SFMBT2: variants seen among roughly 807,000 people sequenced by gnomAD.
SFMBT2 encodes the protein scm-like with four MBT domains protein 2.
SFMBT2 carries 38 observed loss-of-function variants against 110.1 expected under a neutral mutation model. The observed-to-expected ratio is 0.35, with a 90% confidence interval of 0.27 to 0.45. The LOEUF (loss-of-function observed/expected upper bound fraction) is 0.45. SFMBT2 is among the 20% of genes least tolerant of loss of function. The pLI is 1.00. For synonymous variants in SFMBT2, 425 were observed against 425.4 expected (o/e 1.00, Z 0.01); for missense variants, 1,011 against 1,094.9 (o/e 0.92, Z 1.08).
chr10:7,342,396 CTTTTTTTTT>C (rs71382101), intron 4 of SFMBT2, among the ~76,000 whole-genome samples: 13 of 69,664 alleles, frequency 1.9e-4, no homozygotes, highest in South Asian at 5.1e-4. Flanking sequence ...TGGAGTGAGT[CTTTTTTTTT>C]TTTTTTTTTT....
chr10:7,239,301 T>C (rs140409627), intron 9 of SFMBT2, among the ~76,000 whole-genome samples: 6 of 152,324 alleles, frequency 3.9e-5, no homozygotes, highest in East Asian at 1.9e-4. Context: ...CTGAAATCAC[T>C]TGGCAATATG....
At position 7,172,207 on chromosome 10, in the gene SFMBT2, T is replaced by G. The variant is rs1243933797; in HGVS notation, c.2152-49A>C. ...AAGGGGCTGGTGGCCCGGGGGCCTG[T>G]AGCGGTGGCCCCGCGGTCAGACCCT... On this transcript the variant is annotated intron_variant, in intron 18 of 20. Transcript: ENST00000397167. The surrounding 1 kb of genome is among the most constrained non-coding windows in gnomAD (Gnocchi z 4.6). 1 of 1,512,782 alleles carries G rather than the reference T, an allele frequency of 6.6e-7. No homozygotes were observed. The highest frequency in any genetic ancestry group is 2.3e-5 in the East Asian group (1 of 43,600). The allele number at this position is 1,512,782 out of a possible 1,614,324, so 93.7% of individuals were successfully genotyped here. A position where few individuals can be genotyped will look rare whatever the true frequency, so the allele number is the denominator to read the frequency against.
At chr10:7,392,559 A>T (rs1845798255) in intron 1 of SFMBT2, among the ~76,000 whole-genome samples, 2 of 152,090 alleles carry the variant, frequency 1.3e-5, no homozygotes, top group Admixed American at 1.3e-4. Flanking sequence ...TTTGTAATTC[A>T]CCTGTTGATG....
At position 7,298,675 on chromosome 10, in the gene SFMBT2, A is replaced by G. The variant is rs117551697; in HGVS notation, c.437-12721T>C. On this transcript the variant is annotated intron_variant, in intron 4 of 20. Coordinates refer to ENST00000397167, the MANE Select transcript of SFMBT2 (RefSeq NM_001387889.1). ...TGTGTGTATGTATGTGCGTATGTGC[A>G]TGTGTATACGTGTACTTGCATATGT... Among the ~76,000 whole-genome samples the G allele has an allele frequency of 8.7e-3, 1,331 of 152,218 alleles. 10 individuals are homozygous for G. Among genetic ancestry groups the G allele is most frequent in the Non-Finnish European group, 0.015 (990 of 68,016 alleles).
chr10:7,269,620 T>A (rs1165908595), intron 7 of SFMBT2, among the ~76,000 whole-genome samples: 1 of 151,902 alleles, frequency 6.6e-6, no homozygotes, highest in African/African-American at 2.4e-5. Context: ...ACATATTCCT[T>A]TTACCGTAAT....
At chr10:7,387,041 G>A (rs1256476354) in intron 1 of SFMBT2, among the ~76,000 whole-genome samples, 1 of 152,102 alleles carries the variant, frequency 6.6e-6, no homozygotes, top group African/African-American at 2.4e-5. Flanking sequence ...ATGCAGCTAT[G>A]ACTTTTATAT....
At chr10:7,343,995 A>G (rs563223078) in intron 4 of SFMBT2, among the ~76,000 whole-genome samples, 174 of 152,326 alleles carry the variant, frequency 1.1e-3, no homozygotes, top group African/African-American at 3.8e-3. Context: ...CCCAAAGATC[A>G]TAGGCCAATT....
At chr10:7,317,170 A>T (rs1364617619) in intron 4 of SFMBT2, among the ~76,000 whole-genome samples, 1 of 151,840 alleles carries the variant, frequency 6.6e-6, no homozygotes, top group Non-Finnish European at 1.5e-5. Context: ...GTGTGAGCCT[A>T]CTCAGAGGAC....
intron 4 of SFMBT2, among the ~76,000 whole-genome samples, chr10:7,328,963 G>A (rs1257691887): frequency 1.3e-5 from 2 of 152,156 alleles, no homozygotes; most frequent in East Asian, 1.9e-4. Context: ...CAGCCCATGC[G>A]GCTTGGAAAA....
rs562996200 is a variant in SFMBT2 at position 7,407,168 on chromosome 10, C to G, written c.-52+3693G>C. 1.7e-4 allele frequency among the ~76,000 whole-genome samples: 26 copies of G among 152,198 alleles called. No homozygotes were observed. In the South Asian group the frequency reaches 5.4e-3, roughly 32 times the overall value. On this transcript the variant is annotated intron_variant, in intron 1 of 20. Coordinates refer to ENST00000397167, the MANE Select transcript of SFMBT2 (RefSeq NM_001387889.1). ...AGCAGGAGACCTCCTATCTCCAGGGCGGGCCTAGGGAACAATTCCTGCTGA... is the reference window on the plus strand; with the variant it reads ...AGCAGGAGACCTCCTATCTCCAGGGGGGGCCTAGGGAACAATTCCTGCTGA...
chr10:7,298,974 G>A (rs1842486449), intron 4 of SFMBT2, among the ~76,000 whole-genome samples: 3 of 152,168 alleles, frequency 2.0e-5, no homozygotes, highest in Non-Finnish European at 2.9e-5. Flanking sequence ...ACTTTGGGAG[G>A]CCAAGGCGGG....
intron 1 of SFMBT2, among the ~76,000 whole-genome samples, chr10:7,384,485 CTTT>C (rs79291730): frequency 0.93 from 142,000 of 152,050 alleles, 66,407 homozygotes; most frequent in East Asian, 1. Context: ...TAGTGAAATC[CTTT>C]TTTAACAGTT....
At chr10:7,256,772 T>C (rs552162907) in intron 7 of SFMBT2, among the ~76,000 whole-genome samples, 2 of 152,254 alleles carry the variant, frequency 1.3e-5, no homozygotes, top group Admixed American at 1.3e-4. Context: ...GGGACTGGTA[T>C]TTTAAACACT....
intron 11 of SFMBT2, chr10:7,219,539 A>G (rs1839656707): frequency 6.2e-6 from 1 of 161,608 alleles, no homozygotes; most frequent in South Asian, 2.0e-4. Context: ...TGGAGATCTG[A>G]GCACCAATTC....
chr10:7,233,877 A>C (rs1229048903), intron 9 of SFMBT2, among the ~76,000 whole-genome samples: 1 of 152,180 alleles, frequency 6.6e-6, no homozygotes, highest in Non-Finnish European at 1.5e-5. Context: ...GATTGCACAG[A>C]CCTCAGCTGG....
rs1383156741 is a variant in SFMBT2, at chr10:7,301,844, A to G, written c.437-15890T>C. 4.6e-5 allele frequency among the ~76,000 whole-genome samples: 7 copies of G among 151,904 alleles called. No individual in the cohort carries two copies. Among genetic ancestry groups the G allele is most frequent in the African/African-American group, 1.2e-4 (5 of 41,344 alleles). On this transcript the variant is annotated intron_variant, in intron 4 of 20. Coordinates refer to ENST00000397167, the MANE Select transcript of SFMBT2 (RefSeq NM_001387889.1). The surrounding 1 kb of genome is among the most constrained non-coding windows in gnomAD (Gnocchi z 4.2). ...GCGTGGCTCTAGACTATCGAAGGGGAAAAAAAACCACTGGTGTAGAATTTT... is the reference window on the plus strand; with the variant it reads ...GCGTGGCTCTAGACTATCGAAGGGGGAAAAAAACCACTGGTGTAGAATTTT...
intron 1 of SFMBT2, among the ~76,000 whole-genome samples, chr10:7,383,719 C>T (rs147710321): frequency 3.3e-5 from 5 of 152,258 alleles, no homozygotes; most frequent in African/African-American, 9.6e-5. Context: ...CCTGTCAATG[C>T]GAGATTATCG....
At chr10:7,398,337 A>G (rs1845982703) in intron 1 of SFMBT2, among the ~76,000 whole-genome samples, 1 of 152,240 alleles carries the variant, frequency 6.6e-6, no homozygotes, top group Non-Finnish European at 1.5e-5. Context: ...TGAGAAAAAC[A>G]AGAGGCTTCC....
chr10:7,173,103 T>C (rs1397122947), intron 17 of SFMBT2, among the ~76,000 whole-genome samples: 1 of 152,206 alleles, frequency 6.6e-6, no homozygotes, highest in Admixed American at 6.5e-5. Flanking sequence ...GCTGACACCC[T>C]GATCTTGGAC....
Sources: allele counts gnomAD v4.1 joint callset (sites outside exome capture counted in the v4.1 genomes callset), GRCh38; gene constraint gnomAD v4.1.1; non-coding constraint Gnocchi (gnomAD v3.1); transcripts MANE v1.5; gene names NCBI Gene and HGNC (gene_info 2026-07-23, HGNC 2026-07-21).